Variants in ELOVL6 observed in about 807,000 individuals in gnomAD.
ELOVL6 encodes very long chain fatty acid elongase 6.
ELOVL6 carries 8 observed loss-of-function variants against 31.7 expected under a neutral mutation model. The observed-to-expected ratio is 0.25, with a 90% CI of 0.15 to 0.45. ELOVL6 has a LOEUF of 0.45. ELOVL6 is among the 20% of genes least tolerant of loss of function. The pLI is 1.00. For missense variants in ELOVL6, 126 were observed against 326.4 expected (o/e 0.39, Z 4.73); for synonymous variants, 101 against 117.7 (o/e 0.86, Z 0.92).
At chr4:110,090,787 C>T (rs1221656803) in intron 2 of ELOVL6, among the ~76,000 whole-genome samples, 2 of 151,688 alleles carry the variant, frequency 1.3e-5, no homozygotes, top group Non-Finnish European at 2.9e-5. Flanking sequence ...GTATCTTTAG[C>T]AGAGATGGGG....
intron 2 of ELOVL6, among the ~76,000 whole-genome samples, chr4:110,085,181 T>A (rs532588120): frequency 9.2e-5 from 14 of 152,222 alleles, no homozygotes; most frequent in African/African-American, 3.4e-4. Context: ...GTTGGAGGGA[T>A]GTGGGGAGGG....
chr4:110,087,136 A>G (rs577396989), intron 2 of ELOVL6, among the ~76,000 whole-genome samples: 1 of 152,252 alleles, frequency 6.6e-6, no homozygotes, highest in African/African-American at 2.4e-5. Flanking sequence ...TTAGAACAAT[A>G]TAAATTTCCT....
chr4:110,084,225 G>GAT lies in ELOVL6; in HGVS notation c.221+21270_221+21271dup, dbSNP rs563203365. Among the ~76,000 whole-genome samples the GAT allele has an allele frequency of 3.5e-3, 245 of 69,856 alleles. 40 individuals are homozygous for GAT. Among genetic ancestry groups the GAT allele is most frequent in the African/African-American group, 0.014 (196 of 13,994 alleles). The allele number at this position is 69,856 out of a possible 152,430, so 45.8% of individuals were successfully genotyped here. On this transcript the variant is annotated intron_variant, in intron 2 of 3. Transcript: ENST00000302274. Reference sequence around the variant, plus strand: ...GATATATATAACATATAACTTATATGATATATATAACATATATGATATATA... The same window carrying GAT: ...GATATATATAACATATAACTTATATGATATATATATAACATATATGATATATA...
intron 2 of ELOVL6, among the ~76,000 whole-genome samples, chr4:110,067,125 G>A (rs532464986): frequency 6.6e-6 from 1 of 152,068 alleles, no homozygotes; most frequent in South Asian, 2.1e-4. Context: ...CAGTTAAATC[G>A]GGGCATAGGT....
intron 2 of ELOVL6, among the ~76,000 whole-genome samples, chr4:110,065,454 C>T (rs1360217632): frequency 6.6e-6 from 1 of 152,106 alleles, no homozygotes; most frequent in Non-Finnish European, 1.5e-5. Context: ...TGGTAAAACC[C>T]CATTTCTACA....
intron 1 of ELOVL6, among the ~76,000 whole-genome samples, chr4:110,163,088 A>G (rs1758675933): frequency 6.6e-6 from 1 of 152,218 alleles, no homozygotes. Flanking sequence ...CCAAACTACA[A>G]TTCAAATGTG....
intron 1 of ELOVL6, among the ~76,000 whole-genome samples, chr4:110,143,415 AAT>A (rs1758021102): frequency 6.6e-6 from 1 of 152,186 alleles, no homozygotes; most frequent in African/African-American, 2.4e-5. Context: ...AAGGTCAGAA[AAT>A]TTCATGTTCT....
chr4:110,120,017 A>G (rs902231240), intron 1 of ELOVL6, among the ~76,000 whole-genome samples: 1 of 152,220 alleles, frequency 6.6e-6, no homozygotes, highest in African/African-American at 2.4e-5. Flanking sequence ...TTTCAAAAGG[A>G]AGGAAAAATG....
At chr4:110,159,733 T>A (rs1440142901) in intron 1 of ELOVL6, among the ~76,000 whole-genome samples, 1 of 152,210 alleles carries the variant, frequency 6.6e-6, no homozygotes, top group African/African-American at 2.4e-5. Flanking sequence ...AAAGTCACCC[T>A]GCAAAAGGAT....
chr4:110,050,108 T>G lies in ELOVL6; in HGVS notation c.*1230A>C, dbSNP rs1406923083. On this transcript the variant is annotated 3_prime_UTR_variant, in exon 4 of 4. Transcript: ENST00000302274. Reference sequence around the variant, plus strand: ...CAGCCAAACTTGCCTTGAAGTTTGTTGTAGTATTGCCACTCAGCCAGCAGA... The same window carrying G: ...CAGCCAAACTTGCCTTGAAGTTTGTGGTAGTATTGCCACTCAGCCAGCAGA... The G allele has an allele frequency of 6.6e-6, 1 of 152,606 alleles. No homozygotes were observed. The highest frequency in any genetic ancestry group is 2.4e-5 in the African/African-American group (1 of 41,426). The allele number at this position is 152,606 out of a possible 1,614,324, so 9.5% of individuals were successfully genotyped here. A position where few individuals can be genotyped will look rare whatever the true frequency, so the allele number is the denominator to read the frequency against.
intron 2 of ELOVL6, among the ~76,000 whole-genome samples, chr4:110,086,688 G>GA (rs1474150782): frequency 6.6e-6 from 1 of 151,976 alleles, no homozygotes; most frequent in East Asian, 1.9e-4. Flanking sequence ...TGGTAAAAAT[G>GA]AAAAAATTGT....
intron 1 of ELOVL6, among the ~76,000 whole-genome samples, chr4:110,143,991 T>C (rs1433838886): frequency 6.9e-6 from 1 of 145,950 alleles, no homozygotes; most frequent in Non-Finnish European, 1.5e-5. Flanking sequence ...GAGGCGAAGG[T>C]TGTGGTGAGC....
intron 1 of ELOVL6, among the ~76,000 whole-genome samples, chr4:110,184,411 G>C (rs1167268891): frequency 2.0e-5 from 3 of 152,156 alleles, no homozygotes; most frequent in African/African-American, 4.8e-5. Flanking sequence ...GATATAGATG[G>C]GTGGAGAGAA....
intron 2 of ELOVL6, among the ~76,000 whole-genome samples, chr4:110,072,210 G>A (rs1755505955): frequency 6.6e-6 from 1 of 152,202 alleles, no homozygotes. Context: ...AGGCGCAGTG[G>A]CTCACACCTG....
At chr4:110,059,285 T>C (rs951545919) in intron 3 of ELOVL6, among the ~76,000 whole-genome samples, 2 of 152,220 alleles carry the variant, frequency 1.3e-5, no homozygotes, top group African/African-American at 4.8e-5. Flanking sequence ...TGTTTTAATA[T>C]TAGCTCAGCT....
At chr4:110,095,523 G>A (rs965108814) in intron 2 of ELOVL6, among the ~76,000 whole-genome samples, 7 of 151,756 alleles carry the variant, frequency 4.6e-5, no homozygotes, top group African/African-American at 1.7e-4. Context: ...AATGGGCAAG[G>A]TGTGTCTGTT....
chr4:110,094,434 T>TAA lies in ELOVL6; in HGVS notation c.221+11062_221+11063insTT, dbSNP rs1225363429. ...ATATATATATATATATATATATATA[T>TAA]ATATATATAATATATATAACATAAT... is the stretch of plus-strand genomic sequence containing the variant. On this transcript the variant is annotated intron_variant, in intron 2 of 3. Coordinates refer to ENST00000302274, the MANE Select transcript of ELOVL6 (RefSeq NM_024090.3). 1.1e-3 allele frequency among the ~76,000 whole-genome samples: 63 copies of TAA among 59,090 alleles called. 3 individuals are homozygous for TAA. The highest frequency in any genetic ancestry group is 4.6e-3 in the African/African-American group (55 of 12,032). The allele number at this position is 59,090 out of a possible 152,430, so 38.8% of individuals were successfully genotyped here.
At chr4:110,087,388 G>C (rs1247099335) in intron 2 of ELOVL6, among the ~76,000 whole-genome samples, 2 of 152,096 alleles carry the variant, frequency 1.3e-5, no homozygotes, top group Non-Finnish European at 2.9e-5. Context: ...CACTTCTGAG[G>C]AAATTACTGC....
intron 2 of ELOVL6, among the ~76,000 whole-genome samples, chr4:110,084,369 G>C (rs1206466223): frequency 5.8e-5 from 2 of 34,714 alleles, no homozygotes; most frequent in African/African-American, 1.4e-4. Context: ...CCGCATATAT[G>C]ATATATGATA....
Sources: gnomAD v4.1 joint callset for allele counts (sites outside exome capture counted in the v4.1 genomes callset) on GRCh38, gnomAD v4.1.1 for gene constraint, MANE v1.5 for transcripts, NCBI Gene and HGNC (gene_info 2026-07-23, HGNC 2026-07-21) for gene names.